Variants in WDR45 observed in about 807,000 individuals in gnomAD.
WDR45 encodes the protein WD repeat domain phosphoinositide-interacting protein 4.
Under a neutral mutation model 27.3 loss-of-function variants are expected in WDR45, and 2 were observed. The ratio of observed to expected loss-of-function variants is 0.07; its 90% CI spans 0.03 to 0.23. The LOEUF is 0.23. Among genes scored for constraint, WDR45 ranks in the 10% least tolerant of loss-of-function variants. The probability of loss-of-function intolerance (pLI) is 1.00; values close to 1 mark genes in which losing one functional copy is unlikely to be tolerated. For synonymous variants in WDR45, 99 were observed against 119.2 expected, an observed-to-expected ratio of 0.83 and a Z score of 1.11; for missense variants, 175 against 311.9, an observed-to-expected ratio of 0.56 and a Z score of 3.31.
chrX:49,087,515 C>A (rs186982275), intron 2 of WDR45, among the ~76,000 whole-genome samples: 6 of 111,419 alleles, frequency 5.4e-5, no homozygotes, highest in Non-Finnish European at 3.8e-5. Context: ...AGAGCAAGAC[C>A]ATATCAAATA....
chrX:49,078,372 G>A (rs782762251), intron 1 of WDR45, among the ~76,000 whole-genome samples: 2 of 112,060 alleles, frequency 1.8e-5, no homozygotes, highest in Non-Finnish European at 3.8e-5. Context: ...AAATACAAAA[G>A]TTAGCCGGGT....
chrX:49,091,898 A>C lies in WDR45; in HGVS notation c.-18+8307T>G, dbSNP rs1301147627. ...GTAATCCCAGCACTTTGGGAGGCTGAGGCGGGTGGATCACGAGGTCAGTAG... is the reference window on the plus strand; with the variant it reads ...GTAATCCCAGCACTTTGGGAGGCTGCGGCGGGTGGATCACGAGGTCAGTAG... On this transcript the variant is annotated intron_variant, in intron 2 of 11. Coordinates refer to the WDR45 transcript ENST00000356463. 1.4e-4 allele frequency among the ~76,000 whole-genome samples: 15 copies of C among 106,985 alleles called. No homozygotes were observed. In the East Asian group the frequency reaches 4.4e-3, roughly 31 times the overall value. 92.9% of individuals were successfully genotyped at this position (106,985 alleles called of 115,157 possible).
chrX:49,075,216 G>A lies in WDR45; in HGVS notation c.893C>T (p.Ala298Val), dbSNP rs2065029228. The A allele has an allele frequency of 8.3e-7, 1 of 1,212,076 alleles. No homozygotes were observed. The highest frequency in any genetic ancestry group is 1.1e-6 in the Non-Finnish European group (1 of 895,545). ...GQYVDSQWSLASFTVPAESAC... is the reference protein window; with the variant it reads ...GQYVDSQWSLVSFTVPAESAC... The stretch of plus-strand genomic sequence containing the variant: ...TGACTCAGCAGGCACAGTGAAGCTC[G>A]CCAGGCTCCACTGAGAGTCCACGTA... Residue 298 changes from alanine to valine, a missense_variant, in exon 10 of 11, where the codon GCG (alanine) becomes GTG (valine). Around this residue, in one of 3 missense-constraint regions of WDR45, gnomAD observed 71 missense variants for 123.0 expected, o/e 0.58. Coordinates refer to ENST00000376372, the MANE Select transcript of WDR45 (RefSeq NM_001029896.2).
At chrX:49,076,825 C>T (rs2065040895) in intron 4 of WDR45, 75 bp from the exon 5 acceptor site, 1 of 895,164 alleles carries the variant, frequency 1.1e-6, no homozygotes, top group Non-Finnish European at 1.6e-6. Flanking sequence ...AGGATCCACC[C>T]CTGCTTCCCA....
At chrX:49,096,369 TACAGGCACGCACC>T (rs1476297084) in intron 2 of WDR45, among the ~76,000 whole-genome samples, 2 of 111,197 alleles carry the variant, frequency 1.8e-5, no homozygotes, top group Non-Finnish European at 3.8e-5. Context: ...TAGCTGAGAC[TACAGGCACGCACC>T]ACCACACCCA....
chrX:49,076,338 T>A (rs1557084211), intron 6 of WDR45, 92 bp downstream of exon 6: 63 of 933,625 alleles, frequency 6.7e-5, no homozygotes, highest in Non-Finnish European at 9.2e-5. Context: ...TTTCTCTGTG[T>A]GTGAGTGCCC....
At chrX:49,096,938 C>T (rs1057069442) in intron 2 of WDR45, among the ~76,000 whole-genome samples, 8 of 111,189 alleles carry the variant, frequency 7.2e-5, no homozygotes, top group Non-Finnish European at 1.5e-4. Context: ...TGGGGTTCCA[C>T]CATGTTGGCC....
intron 6 of WDR45, 55 bp from the exon 7 acceptor site, chrX:49,076,000 A>C: frequency 4.1e-6 from 4 of 975,530 alleles, no homozygotes; most frequent in Non-Finnish European, 5.8e-6. Flanking sequence ...GCAGCATCTC[A>C]GAATGGACAG....
intron 2 of WDR45, among the ~76,000 whole-genome samples, chrX:49,098,390 G>T (rs1404650745): frequency 9.2e-6 from 1 of 109,093 alleles, no homozygotes; most frequent in Non-Finnish European, 1.9e-5. Context: ...CATCTACTCG[G>T]GAGGCTAAGG....
At position 49,075,522 on chromosome X, in the gene WDR45, C is replaced by G. The variant is rs1459152675; in HGVS notation, c.725+23G>C. On this transcript the variant is annotated intron_variant, in intron 8 of 10. Transcript: ENST00000376372. The stretch of plus-strand genomic sequence containing the variant: ...GTCATGTGGTATGGGGTCACCAGCC[C>G]ACCATGCATACCCTGTGCTCACCAG... 6 of 1,209,599 alleles carry G rather than the reference C, an allele frequency of 5.0e-6. No individual in the cohort carries two copies. The East Asian group carries it at 8.9e-5, about 18-fold the overall frequency.
chrX:49,098,808 AC>A (rs1199255260), intron 2 of WDR45, among the ~76,000 whole-genome samples: 1 of 110,048 alleles, frequency 9.1e-6, no homozygotes. Flanking sequence ...CCCTGTCTCT[AC>A]CCCCCCACCA....
At chrX:49,098,718 G>C (rs1404275592) in intron 2 of WDR45, among the ~76,000 whole-genome samples, 1 of 110,025 alleles carries the variant, frequency 9.1e-6, no homozygotes, top group Non-Finnish European at 1.9e-5. Context: ...GAGGTGGGAG[G>C]ATGGCTTGAG....
At chrX:49,091,065 C>A (rs1252316171) in intron 2 of WDR45, among the ~76,000 whole-genome samples, 1 of 110,276 alleles carries the variant, frequency 9.1e-6, no homozygotes, top group Non-Finnish European at 1.9e-5. Flanking sequence ...CCTCGTGATC[C>A]GCCCGCCTCG....
At chrX:49,081,633 A>G (rs1029463535), upstream of WDR45, among the ~76,000 whole-genome samples, 4 of 108,095 alleles carry the variant, frequency 3.7e-5, no homozygotes, top group Non-Finnish European at 7.7e-5. Flanking sequence ...CGGAGGTTGC[A>G]GCAAGCCCAG....
chrX:49,096,001 C>A (rs2065124363), intron 2 of WDR45, among the ~76,000 whole-genome samples: 1 of 105,367 alleles, frequency 9.5e-6, no homozygotes, highest in Non-Finnish European at 1.9e-5. Flanking sequence ...GAATTCCTGA[C>A]CTTGTGATCC....
chrX:49,085,629 C>T (rs1026286799), intron 2 of WDR45, among the ~76,000 whole-genome samples: 1 of 112,936 alleles, frequency 8.9e-6, no homozygotes, highest in Non-Finnish European at 1.9e-5. Flanking sequence ...AATCCCAGCA[C>T]TTTGGGAGGC....
At chrX:49,095,759 CTTTTTTT>C (rs1204267334) in intron 2 of WDR45, among the ~76,000 whole-genome samples, 4 of 26,139 alleles carry the variant, frequency 1.5e-4, no homozygotes, top group Non-Finnish European at 2.4e-4. Flanking sequence ...CGTGCCCGGC[CTTTTTTT>C]TTTTTTTTTT....
At chrX:49,096,394 C>T (rs1200275023) in intron 2 of WDR45, among the ~76,000 whole-genome samples, 2 of 111,041 alleles carry the variant, frequency 1.8e-5, no homozygotes, top group Admixed American at 9.7e-5. Flanking sequence ...CCACACCCAG[C>T]TAAATTTGTT....
chrX:49,081,623 C>T (rs2065067494), upstream of WDR45, among the ~76,000 whole-genome samples: 2 of 106,536 alleles, frequency 1.9e-5, no homozygotes, highest in Admixed American at 1.0e-4. Context: ...ACCTAGGAGG[C>T]GGAGGTTGCA....
Sources: gnomAD v4.1 joint callset for allele counts (sites outside exome capture counted in the v4.1 genomes callset) on GRCh38, gnomAD v4.1.1 for gene constraint, gnomAD v4.1.1 regional missense constraint, MANE v1.5 for transcripts, NCBI Gene and HGNC (gene_info 2026-07-23, HGNC 2026-07-21) for gene names.